The following IQGAP1 variants were observed in gnomAD, a reference collection of about 807,000 sequenced individuals.
IQGAP1 encodes the protein ras GTPase-activating-like protein IQGAP1.
IQGAP1 carries 66 observed loss-of-function variants against 215.6 expected under a neutral mutation model. That is an observed-to-expected ratio of 0.31 (90% CI 0.25 to 0.38). The LOEUF (loss-of-function observed/expected upper bound fraction) is 0.38, where lower values mean the gene tolerates loss of function less well. Among genes scored for constraint, IQGAP1 ranks in the 10% least tolerant of loss-of-function variants. The pLI, the probability that IQGAP1 is intolerant of heterozygous loss-of-function variation, is 1.00. For missense variants in IQGAP1, 1,712 were observed against 1,997.1 expected (o/e 0.86, Z 2.72); for synonymous variants, 772 against 728.7 (o/e 1.06, Z -0.96).
chr15:90,417,583 C>T (rs1227470591), intron 2 of IQGAP1, among the ~76,000 whole-genome samples: 1 of 152,104 alleles, frequency 6.6e-6, no homozygotes, highest in East Asian at 1.9e-4. Context: ...GTTTTGGTAC[C>T]AGTACCATAC....
At chr15:90,418,398 G>GT (rs1221146685) in intron 2 of IQGAP1, among the ~76,000 whole-genome samples, 1 of 151,704 alleles carries the variant, frequency 6.6e-6, no homozygotes, top group African/African-American at 2.4e-5. Context: ...ACCAGCCTGA[G>GT]TAACATAGGG....
At chr15:90,396,781 G>C (rs778122305) in intron 2 of IQGAP1, among the ~76,000 whole-genome samples, 2 of 152,112 alleles carry the variant, frequency 1.3e-5, no homozygotes, top group Non-Finnish European at 2.9e-5. Flanking sequence ...TGTTGCAAAT[G>C]GGGAGTATTC....
intron 2 of IQGAP1, among the ~76,000 whole-genome samples, chr15:90,404,088 A>T (rs1345759024): frequency 6.6e-6 from 1 of 152,138 alleles, no homozygotes; most frequent in Non-Finnish European, 1.5e-5. Context: ...TTTTCTCCTC[A>T]GCTTTTGCTG....
At chr15:90,407,941 C>T (rs1018187658) in intron 2 of IQGAP1, among the ~76,000 whole-genome samples, 1 of 152,148 alleles carries the variant, frequency 6.6e-6, no homozygotes. Context: ...AATGAGAGGT[C>T]TCAGTGTCAC....
intron 30 of IQGAP1, among the ~76,000 whole-genome samples, chr15:90,485,393 T>C (rs184497998): frequency 1.3e-5 from 2 of 152,278 alleles, no homozygotes; most frequent in Admixed American, 6.5e-5. Flanking sequence ...TGACTTTGGG[T>C]ATTGAACTTT....
intron 2 of IQGAP1, among the ~76,000 whole-genome samples, chr15:90,396,855 A>T (rs981232792): frequency 1.1e-4 from 16 of 146,826 alleles, no homozygotes; most frequent in South Asian, 4.3e-4. Flanking sequence ...AGCAAAAAAA[A>T]TTTTTTTTTT....
chr15:90,463,184 G>A (rs1020447841), intron 15 of IQGAP1, among the ~76,000 whole-genome samples: 4 of 152,066 alleles, frequency 2.6e-5, no homozygotes, highest in African/African-American at 4.8e-5. Context: ...TCATACTATT[G>A]CTCTATTGCT....
At chr15:90,457,501 ACTGCAACTT>A (rs1182496758) in intron 15 of IQGAP1, among the ~76,000 whole-genome samples, 1 of 151,160 alleles carries the variant, frequency 6.6e-6, no homozygotes, top group Non-Finnish European at 1.5e-5. Flanking sequence ...ATCTCAGCTC[ACTGCAACTT>A]CTGCCTCCCA....
intron 5 of IQGAP1, among the ~76,000 whole-genome samples, chr15:90,438,536 C>G (rs1401431036): frequency 6.6e-6 from 1 of 151,996 alleles, no homozygotes; most frequent in Non-Finnish European, 1.5e-5. Flanking sequence ...ATGAAATATT[C>G]TTTATCTAAA....
intron 2 of IQGAP1, among the ~76,000 whole-genome samples, chr15:90,422,307 G>A (rs1193969029): frequency 1.3e-5 from 2 of 152,056 alleles, no homozygotes; most frequent in Non-Finnish European, 2.9e-5. Flanking sequence ...TAGATTATTA[G>A]CCTCTGAGCA....
chr15:90,422,660 GTATATATATATATATATA>G, intron 2 of IQGAP1, among the ~76,000 whole-genome samples: 1 of 85,678 alleles, frequency 1.2e-5, no homozygotes, highest in East Asian at 9.0e-4. Context: ...ATATATATAT[GTATATATATATATATATA>G]TAATTTTTGA....
At chr15:90,447,533 G>T (rs897470094) in intron 9 of IQGAP1, among the ~76,000 whole-genome samples, 3 of 151,990 alleles carry the variant, frequency 2.0e-5, no homozygotes, top group Non-Finnish European at 2.9e-5. Context: ...GTATTTTATT[G>T]ATTTCTTTTT....
chr15:90,459,220 C>T (rs1265762052), intron 15 of IQGAP1, among the ~76,000 whole-genome samples: 1 of 152,134 alleles, frequency 6.6e-6, no homozygotes, highest in Non-Finnish European at 1.5e-5. Context: ...GTTAATTATG[C>T]TTTAATCAAC....
Position 90,492,672 on chromosome 15 carries a change from A to G in IQGAP1, c.4589A>G (p.Tyr1530Cys). The G allele has an allele frequency of 1.9e-6, 3 of 1,613,860 alleles. No individual in the cohort carries two copies. The highest frequency in any genetic ancestry group is 2.5e-6 in the Non-Finnish European group (3 of 1,179,928). ...GAGCAGGTGGATTACTATAAAAGCT[A>G]TATCAAAACCTGCTTGGATAACTTA... ...YGEQVDYYKS[Y>C]IKTCLDNLAS... Residue 1530 changes from tyrosine (Y) to cysteine (C), a missense_variant, in exon 35 of 38, where the codon TAT becomes TGT. This residue lies in a region of IQGAP1 where 691 missense variants were observed against 923.0 expected (regional missense o/e 0.75). Transcript: ENST00000268182.
intron 2 of IQGAP1, among the ~76,000 whole-genome samples, chr15:90,425,571 ATTAT>A (rs1330466531): frequency 6.6e-6 from 1 of 152,124 alleles, no homozygotes; most frequent in African/African-American, 2.4e-5. Flanking sequence ...CTGAGAATTC[ATTAT>A]TTACTGCTTC....
At chr15:90,412,327 TG>T (rs1964978396) in intron 2 of IQGAP1, among the ~76,000 whole-genome samples, 1 of 152,238 alleles carries the variant, frequency 6.6e-6, no homozygotes, top group East Asian at 1.9e-4. Flanking sequence ...AAGCCTTTTT[TG>T]TTCCTTGGCT....
At chr15:90,491,817 T>C in intron 34 of IQGAP1, 1 of 402,770 alleles carries the variant, frequency 2.5e-6, no homozygotes, top group African/African-American at 2.0e-5. Context: ...CTTCCAGATC[T>C]TTTTCATGAT....
At chr15:90,440,398 T>C in intron 6 of IQGAP1, 104 bp from the exon 7 acceptor site, 1 of 766,740 alleles carries the variant, frequency 1.3e-6, no homozygotes, top group Admixed American at 2.6e-5. Context: ...CCCTAAAAGG[T>C]AAATGCCATT....
At chr15:90,409,832 A>ATT (rs1964933156) in intron 2 of IQGAP1, among the ~76,000 whole-genome samples, 3 of 152,080 alleles carry the variant, frequency 2.0e-5, no homozygotes, top group Non-Finnish European at 2.9e-5. Context: ...CTTTTTAATG[A>ATT]GCGACATTCT....
Sources: allele counts gnomAD v4.1 joint callset (sites outside exome capture counted in the v4.1 genomes callset), GRCh38; gene constraint gnomAD v4.1.1; regional missense constraint gnomAD v4.1.1; transcripts MANE v1.5; gene names NCBI Gene and HGNC (gene_info 2026-07-23, HGNC 2026-07-21).